SNAP91: variants seen among roughly 807,000 people sequenced by gnomAD.
SNAP91 encodes synaptosome associated protein 91, also known as clathrin coat assembly protein AP180.
SNAP91 carries 27 observed loss-of-function variants against 100.3 expected under a neutral mutation model. That is an observed-to-expected ratio of 0.27 (90% confidence interval 0.20 to 0.37). The LOEUF (loss-of-function observed/expected upper bound fraction) is 0.37, where lower values mean the gene tolerates loss of function less well. SNAP91 is among the 10% of genes least tolerant of loss of function. The probability of loss-of-function intolerance (pLI) is 1.00; values close to 1 mark genes in which losing one functional copy is unlikely to be tolerated. For missense variants in SNAP91, 986 were observed against 1,123.7 expected (o/e 0.88, Z 1.75); for synonymous variants, 404 against 398.6 (o/e 1.01, Z -0.16).
chr6:83,694,321 T>C (rs965719623), intron 2 of SNAP91, among the ~76,000 whole-genome samples: 2 of 152,142 alleles, frequency 1.3e-5, no homozygotes, highest in Admixed American at 1.3e-4. Flanking sequence ...TTTGTCTGTC[T>C]CCCTCTGTCA....
chr6:83,560,066 G>A (rs1460367692), intron 28 of SNAP91, 38 bp downstream of exon 28: 1 of 1,503,846 alleles, frequency 6.6e-7, no homozygotes, highest in Non-Finnish European at 9.3e-7. Context: ...ACACTTATTA[G>A]TTAATGTCAC....
Position 83,656,846 on chromosome 6 carries a change from G to A in SNAP91, c.566C>T (p.Thr189Ile), listed in dbSNP as rs1470790289. 6.3e-7 allele frequency: 1 copy of A among 1,592,652 alleles called. No individual in the cohort carries two copies. Among genetic ancestry groups the A allele is most frequent in the Admixed American group, 1.7e-5 (1 of 57,174 alleles). The part of the protein sequence containing the change: ...LEFDVHPNEL[T>I]NGVINAAFML... ...AAATGCTGCATTTATGACACCATTTGTTAGTTCATTTGGATGCACCTAGAA... is the reference window on the plus strand; with the variant it reads ...AAATGCTGCATTTATGACACCATTTATTAGTTCATTTGGATGCACCTAGAA... The change falls in exon 7 of 30, where the codon ACA becomes ATA. Residue 189 changes from threonine (T) to isoleucine (I), a missense_variant. Thr to Ile is a moderately conservative substitution (Grantham distance 89). Coordinates refer to ENST00000369694, the MANE Select transcript of SNAP91 (RefSeq NM_001242792.2).
chr6:83,691,120 T>C (rs1378967851), intron 2 of SNAP91, among the ~76,000 whole-genome samples: 3 of 152,086 alleles, frequency 2.0e-5, no homozygotes, highest in African/African-American at 7.2e-5. Context: ...AAGATAGCTC[T>C]TAATGATGAC....
chr6:83,588,527 G>A (rs1009761172), intron 22 of SNAP91, among the ~76,000 whole-genome samples: 1 of 151,900 alleles, frequency 6.6e-6, no homozygotes, highest in Admixed American at 6.6e-5. Flanking sequence ...TACTTTTTTT[G>A]TAGACTTCCC....
At chr6:83,624,274 A>G (rs2096846357) in intron 8 of SNAP91, among the ~76,000 whole-genome samples, 1 of 152,136 alleles carries the variant, frequency 6.6e-6, no homozygotes, top group Admixed American at 6.6e-5. Context: ...ATTCTTTTGT[A>G]GGTTTGAAAA....
intron 3 of SNAP91, 42 bp from the exon 4 acceptor site, chr6:83,662,464 A>T: frequency 1.2e-6 from 1 of 829,482 alleles, no homozygotes; most frequent in East Asian, 3.1e-5. Context: ...TTTTAAAATC[A>T]TACTTTTAAA....
chr6:83,662,139 A>G (rs1280263620), intron 4 of SNAP91, among the ~76,000 whole-genome samples: 2 of 152,132 alleles, frequency 1.3e-5, no homozygotes, highest in Non-Finnish European at 2.9e-5. Flanking sequence ...TTTAAGGTAA[A>G]CGTGGTAAAA....
In SNAP91 at chr6:83,583,975, T is replaced by C. The variant is rs74605328; in HGVS notation, c.2015-1619A>G. On this transcript the variant is annotated intron_variant, in intron 22 of 29. Coordinates refer to ENST00000369694, the MANE Select transcript of SNAP91 (RefSeq NM_001242792.2). ...TCATGATGGCTACTTTAAGTGATTT[T>C]AGTATTTGAATGGCATAAGTATCAT... is the stretch of plus-strand genomic sequence containing the variant. Among the ~76,000 whole-genome samples, 559 of 152,282 alleles carry C rather than the reference T, an allele frequency of 3.7e-3. 8 individuals carry two copies. Among genetic ancestry groups the C allele is most frequent in the African/African-American group, 0.013 (532 of 41,548 alleles).
At chr6:83,629,783 A>T (rs1042389212) in intron 8 of SNAP91, among the ~76,000 whole-genome samples, 1 of 152,034 alleles carries the variant, frequency 6.6e-6, no homozygotes, top group Non-Finnish European at 1.5e-5. Context: ...TTAGGTAAGC[A>T]ATCATATCAT....
intron 22 of SNAP91, among the ~76,000 whole-genome samples, chr6:83,586,744 C>T (rs1308483525): frequency 1.3e-5 from 2 of 152,116 alleles, no homozygotes; most frequent in African/African-American, 4.8e-5. Flanking sequence ...TGTATCCTAC[C>T]AGTAATCTCA....
intron 2 of SNAP91, among the ~76,000 whole-genome samples, chr6:83,695,918 A>T (rs2099202582): frequency 7.3e-6 from 1 of 137,414 alleles, no homozygotes; most frequent in South Asian, 2.7e-4. Flanking sequence ...CCTTTGGAAC[A>T]ATAATGAGAA....
chr6:83,560,197 C>T lies in SNAP91; in HGVS notation c.2538G>A (p.Gly846=). The change falls in exon 28 of 30, where the codon GGG becomes GGA. Residue 846 remains glycine (G), a synonymous_variant. Transcript: ENST00000369694. ...GCTGAGGCATCATGGGCATGCCTGT[C>T]CCAGCAGGAGGCTGAGGAGGAAGAA... ...PGAGFGMPPA[G]TGMPMMPQQP... is the part of the protein sequence containing the mutation. 1 of 1,613,496 alleles carries T rather than the reference C, an allele frequency of 6.2e-7. No individual in the cohort carries two copies. Among genetic ancestry groups the T allele is most frequent in the Non-Finnish European group, 8.5e-7 (1 of 1,179,598 alleles).
chr6:83,675,972 C>T (rs2098878520), intron 2 of SNAP91, among the ~76,000 whole-genome samples: 1 of 151,838 alleles, frequency 6.6e-6, no homozygotes, highest in South Asian at 2.1e-4. Flanking sequence ...AATGGCTAGA[C>T]ATCATCATCT....
At chr6:83,651,233 C>T (rs1328344014) in intron 7 of SNAP91, among the ~76,000 whole-genome samples, 1 of 151,814 alleles carries the variant, frequency 6.6e-6, no homozygotes, top group Non-Finnish European at 1.5e-5. Context: ...TATTGATTTC[C>T]TGTTTTCAAT....
At chr6:83,591,989 CA>C (rs1469233456) in intron 21 of SNAP91, among the ~76,000 whole-genome samples, 5 of 152,204 alleles carry the variant, frequency 3.3e-5, no homozygotes, top group African/African-American at 1.2e-4. Context: ...GATAGCAAAA[CA>C]TTATAAATAA....
At chr6:83,620,408 C>T (rs960159091) in intron 9 of SNAP91, among the ~76,000 whole-genome samples, 7 of 152,146 alleles carry the variant, frequency 4.6e-5, no homozygotes, top group Non-Finnish European at 1.5e-5. Flanking sequence ...ATCCATATAA[C>T]CTGGTACTTC....
intron 11 of SNAP91, chr6:83,611,347 G>A: frequency 2.8e-6 from 1 of 352,670 alleles, no homozygotes; most frequent in Non-Finnish European, 5.6e-6. Flanking sequence ...AATTAGGAAG[G>A]CGTGAATTTT....
intron 2 of SNAP91, among the ~76,000 whole-genome samples, chr6:83,704,692 T>A (rs1400920408): frequency 2.7e-5 from 4 of 150,746 alleles, no homozygotes; most frequent in African/African-American, 7.3e-5. Flanking sequence ...CCAATACCTT[T>A]AAAAAAAAAT....
chr6:83,631,737 G>GGT (rs1272928001), intron 8 of SNAP91, among the ~76,000 whole-genome samples: 1 of 151,970 alleles, frequency 6.6e-6, no homozygotes, highest in African/African-American at 2.4e-5. Context: ...TTATGTGTTA[G>GGT]GTGAGTCTCT....
Sources: gnomAD v4.1 joint callset for allele counts (sites outside exome capture counted in the v4.1 genomes callset) on GRCh38, gnomAD v4.1.1 for gene constraint, MANE v1.5 for transcripts, NCBI Gene and HGNC (gene_info 2026-07-23, HGNC 2026-07-21) for gene names.